AQP4: variants seen among roughly 807,000 people sequenced by gnomAD.
AQP4 encodes aquaporin 4.
AQP4 carries 18 observed loss-of-function variants against 27.8 expected under a neutral mutation model. That is an observed-to-expected ratio of 0.65 (90% confidence interval 0.45 to 0.96). The LOEUF is 0.96. Ranked by LOEUF, AQP4 falls within the 40% of genes least tolerant of loss-of-function variation. The pLI, the probability that AQP4 is intolerant of heterozygous loss-of-function variation, is 0.00. For missense variants in AQP4, 412 were observed against 408.2 expected, an observed-to-expected ratio of 1.01 and a Z score of -0.08; for synonymous variants, 141 against 142.9, an observed-to-expected ratio of 0.99 and a Z score of 0.10.
chr18:26,854,470 C>G lies in AQP4; in HGVS notation c.*1741G>C, dbSNP rs2144943385. 6.6e-6 allele frequency: 1 copy of G among 152,670 alleles called. No homozygotes were observed. The highest frequency in any genetic ancestry group is 1.5e-5 in the Non-Finnish European group (1 of 68,032). 9.5% of individuals were successfully genotyped at this position (152,670 alleles called of 1,614,324 possible). On this transcript the variant is annotated 3_prime_UTR_variant, in exon 5 of 5. Coordinates refer to ENST00000383168, the MANE Select transcript of AQP4 (RefSeq NM_001650.7). ...TCACTGGCGCAGTGTGTGGTGTGGC[C>G]ACGCCCCCTGAGAAAGGGGCCTGGG...
intron 4 of AQP4, 37 bp from the exon 5 acceptor site, chr18:26,856,526 A>G (rs1388406474): frequency 1.2e-6 from 2 of 1,607,930 alleles, no homozygotes; most frequent in Admixed American, 1.7e-5. Context: ...GTGTAAGTAG[A>G]GAAAAGCTAT....
intron 1 of AQP4, among the ~76,000 whole-genome samples, chr18:26,863,425 G>T (rs543086469): frequency 1.3e-5 from 2 of 152,260 alleles, no homozygotes; most frequent in Admixed American, 6.5e-5. Flanking sequence ...CCGGGCGGCG[G>T]CCAGGTGCAC....
rs2054790478 is a variant in AQP4, at chr18:26,853,615, TC to T, written c.*2595del. The T allele has an allele frequency of 6.6e-6, 1 of 152,548 alleles. No homozygotes were observed. Among genetic ancestry groups the T allele is most frequent in the Admixed American group, 6.6e-5 (1 of 15,266 alleles). The allele number at this position is 152,548 out of a possible 1,614,324, so 9.4% of individuals were successfully genotyped here. A position where few individuals can be genotyped will look rare whatever the true frequency, so the allele number is the denominator to read the frequency against. ...TTCTCTGTGTATCTGTCAGCAGTGG[TC>T]TCCTGGGAGCAGCACTATGCACTTC... On this transcript the variant is annotated 3_prime_UTR_variant, in exon 5 of 5. Coordinates refer to ENST00000383168, the MANE Select transcript of AQP4 (RefSeq NM_001650.7).
rs759391350 is a variant in AQP4 at position 26,862,538 on chromosome 18, T to A, written c.91A>T (p.Thr31Ser). ...GTGACTGCTTTCCAGAAAGCTTGAGTCCAGACCCCTTTGAAAGCCACCATG... is the reference window on the plus strand; with the variant it reads ...GTGACTGCTTTCCAGAAAGCTTGAGACCAGACCCCTTTGAAAGCCACCATG... ...NIMVAFKGVW[T>S]QAFWKAVTAE... Residue 31 changes from threonine (T) to serine (S), a missense_variant, in exon 2 of 5, where the codon ACT becomes TCT. Physicochemically the swap from Thr to Ser is moderately conservative, Grantham distance 58. Coordinates refer to ENST00000383168, the MANE Select transcript of AQP4 (RefSeq NM_001650.7). The A allele has an allele frequency of 1.5e-5, 24 of 1,613,974 alleles. No homozygotes were observed. The East Asian group carries it at 5.3e-4, about 36-fold the overall frequency.
chr18:26,865,398 T>G (rs1038030663), intron 1 of AQP4: 3 of 584,628 alleles, frequency 5.1e-6, no homozygotes, highest in Non-Finnish European at 9.1e-6. Context: ...TATAGCTAGA[T>G]TCACCTCCAT....
chr18:26,861,412 A>T, intron 2 of AQP4, 117 bp from the exon 3 acceptor site: 1 of 984,554 alleles, frequency 1.0e-6, no homozygotes, highest in Non-Finnish European at 1.6e-6. Flanking sequence ...TAAGTCTTCT[A>T]CCCCACCTTC....
chr18:26,854,845 G>A lies in AQP4; in HGVS notation c.*1366C>T, dbSNP rs2054814152. The A allele has an allele frequency of 6.8e-6, 1 of 147,948 alleles. No homozygotes were observed. Among genetic ancestry groups the A allele is most frequent in the Admixed American group, 6.6e-5 (1 of 15,122 alleles). 9.2% of individuals were successfully genotyped at this position (147,948 alleles called of 1,614,324 possible). On this transcript the variant is annotated 3_prime_UTR_variant, in exon 5 of 5. Transcript: ENST00000383168. The stretch of plus-strand genomic sequence containing the variant: ...TAGACAGTTAAGATGACAGAAACTG[G>A]GGTTTCTGGAGAACATTCTAGTGAC...
chr18:26,859,692 T>G (rs2054905420), intron 4 of AQP4, among the ~76,000 whole-genome samples: 1 of 152,238 alleles, frequency 6.6e-6, no homozygotes, highest in South Asian at 2.1e-4. Context: ...TGTTATTTAA[T>G]GCTGTAGATT....
In AQP4 at chr18:26,865,705, A is replaced by G. The variant is rs1467179128; in HGVS notation, c.-16T>C. 1 of 1,614,062 alleles carries G rather than the reference A, an allele frequency of 6.2e-7. No homozygotes were observed. The highest frequency in any genetic ancestry group is 8.5e-7 in the Non-Finnish European group (1 of 1,180,038). Reference sequence around the variant, plus strand: ...TGTCACTCATGCCTTCCCCAGCCAGAGTGCAGCTCTCATTGCCTGCCCCGC... The same window carrying G: ...TGTCACTCATGCCTTCCCCAGCCAGGGTGCAGCTCTCATTGCCTGCCCCGC... On this transcript the variant is annotated 5_prime_UTR_variant, in exon 1 of 5. Coordinates refer to ENST00000383168, the MANE Select transcript of AQP4 (RefSeq NM_001650.7).
At position 26,854,200 on chromosome 18, in the gene AQP4, GATT is replaced by G. The variant is rs2144942443; in HGVS notation, c.*2008_*2010del. 1 of 152,272 alleles carries G rather than the reference GATT, an allele frequency of 6.6e-6. No individual in the cohort carries two copies. The highest frequency in any genetic ancestry group is 2.4e-5 in the African/African-American group (1 of 41,556). 9.4% of individuals were successfully genotyped at this position (152,272 alleles called of 1,614,324 possible). A position where few individuals can be genotyped will look rare whatever the true frequency, so the allele number is the denominator to read the frequency against. ...ATAAACCATATGGCAGAATAAAAAT[GATT>G]ATAAGCCAGTATATTGTAAGTGTAT... On this transcript the variant is annotated 3_prime_UTR_variant, in exon 5 of 5. Transcript: ENST00000383168.
At position 26,862,546 on chromosome 18, in the gene AQP4, C is replaced by T. The variant is rs1411558805; in HGVS notation, c.83G>A (p.Gly28Glu). 6.2e-7 allele frequency: 1 copy of T among 1,613,962 alleles called. No homozygotes were observed. The highest frequency in any genetic ancestry group is 8.5e-7 in the Non-Finnish European group (1 of 1,180,026). ...TTTCCAGAAAGCTTGAGTCCAGACCCCTTTGAAAGCCACCATGATGTTCTC... is the reference window on the plus strand; with the variant it reads ...TTTCCAGAAAGCTTGAGTCCAGACCTCTTTGAAAGCCACCATGATGTTCTC... ...TRENIMVAFK[G>E]VWTQAFWKAV... Residue 28 changes from glycine (G) to glutamate (E), a missense_variant, in exon 2 of 5, where the codon GGG becomes GAG. By Grantham distance (98) the Gly-to-Glu change is moderately conservative. Transcript: ENST00000383168.
At chr18:26,864,570 G>A (rs2055022219) in intron 1 of AQP4, among the ~76,000 whole-genome samples, 1 of 152,188 alleles carries the variant, frequency 6.6e-6, no homozygotes, top group South Asian at 2.1e-4. Flanking sequence ...GGGCACCCTG[G>A]AGGAGACACT....
intron 4 of AQP4, among the ~76,000 whole-genome samples, chr18:26,857,641 A>T (rs953647101): frequency 2.0e-5 from 3 of 152,044 alleles, no homozygotes; most frequent in Non-Finnish European, 2.9e-5. Flanking sequence ...TTATTATTAC[A>T]TATTAGCTAT....
At position 26,852,181 on chromosome 18, in the gene AQP4, T is replaced by C. The variant is rs929694406; in HGVS notation, c.*4030A>G. 1 of 152,238 alleles carries C rather than the reference T, an allele frequency of 6.6e-6. No individual in the cohort carries two copies. Among genetic ancestry groups the C allele is most frequent in the African/African-American group, 2.4e-5 (1 of 41,458 alleles). 9.4% of individuals were successfully genotyped at this position (152,238 alleles called of 1,614,324 possible). On this transcript the variant is annotated 3_prime_UTR_variant, in exon 5 of 5. Coordinates refer to ENST00000383168, the MANE Select transcript of AQP4 (RefSeq NM_001650.7). The stretch of plus-strand genomic sequence containing the variant: ...TTAGACGTTACAGTTTAAATCTTTT[T>C]AACATTAGCTCTAATGTTGGAATAA...
chr18:26,859,705 T>C (rs1204294230), intron 4 of AQP4, among the ~76,000 whole-genome samples: 1 of 152,220 alleles, frequency 6.6e-6, no homozygotes, highest in Non-Finnish European at 1.5e-5. Context: ...TGTAGATTAC[T>C]TTTAAAGATT....
intron 4 of AQP4, among the ~76,000 whole-genome samples, chr18:26,859,069 CCTA>C (rs1364137576): frequency 6.6e-6 from 1 of 152,144 alleles, no homozygotes; most frequent in Non-Finnish European, 1.5e-5. Context: ...TAAGAATGTT[CCTA>C]CTATTTAAAT....
intron 3 of AQP4, 139 bp from the exon 4 acceptor site, chr18:26,860,991 G>A: frequency 7.2e-7 from 1 of 1,390,096 alleles, no homozygotes; most frequent in Non-Finnish European, 1.0e-6. Flanking sequence ...TCATTGAGCA[G>A]TTGGAAAAAT....
At chr18:26,862,999 G>GA (rs368657170) in intron 1 of AQP4, 7 of 177,000 alleles carry the variant, frequency 4.0e-5, no homozygotes, top group Admixed American at 1.7e-4. Context: ...GTGTGCGTGG[G>GA]GGGGGGGGGT....
chr18:26,865,628 G>T, intron 1 of AQP4, 30 bp downstream of exon 1: 1 of 1,614,014 alleles, frequency 6.2e-7, no homozygotes, highest in South Asian at 1.1e-5. Flanking sequence ...GGCCCTAAGC[G>T]TTGTTCCCTT....
Sources: gnomAD v4.1 joint callset for allele counts (sites outside exome capture counted in the v4.1 genomes callset) on GRCh38, gnomAD v4.1.1 for gene constraint, MANE v1.5 for transcripts, NCBI Gene and HGNC (gene_info 2026-07-23, HGNC 2026-07-21) for gene names.